MGA: variants seen among roughly 807,000 people sequenced by gnomAD.
MGA encodes MAX dimerization protein MGA.
In MGA, 40 loss-of-function variants were observed where a neutral mutation model predicts 261.1. The ratio of observed to expected loss-of-function variants is 0.15; its 90% CI spans 0.12 to 0.20. The LOEUF (loss-of-function observed/expected upper bound fraction) is 0.20. Among genes scored for constraint, MGA ranks in the 10% least tolerant of loss-of-function variants. The probability of loss-of-function intolerance (pLI) is 1.00; values close to 1 mark genes in which losing one functional copy is unlikely to be tolerated. For synonymous variants in MGA, 1,302 were observed against 1,290.6 expected (o/e 1.01, Z -0.19); for missense variants, 3,397 against 3,630.5 (o/e 0.94, Z 1.65).
Position 41,741,071 on chromosome 15 carries a change from G to A in MGA, c.4585+868G>A, listed in dbSNP as rs535693599. On this transcript the variant is annotated intron_variant, in intron 14 of 23. Transcript: ENST00000219905. ...GTTTGCCTTAAAACCTATTTTGGCC[G>A]GGCGCGGTGGCTCACTCCTGTAATT... is the stretch of plus-strand genomic sequence containing the variant. 3.8e-4 allele frequency among the ~76,000 whole-genome samples: 58 copies of A among 152,156 alleles called. 1 individual carries two copies. The South Asian group carries it at 0.011, about 29-fold the overall frequency.
chr15:41,675,059 A>G (rs2058303811), intron 2 of MGA, among the ~76,000 whole-genome samples: 2 of 152,092 alleles, frequency 1.3e-5, no homozygotes, highest in African/African-American at 4.8e-5. Context: ...GTATATTTGG[A>G]TTGTTTCTAG....
intron 9 of MGA, among the ~76,000 whole-genome samples, chr15:41,717,021 A>G (rs969920046): frequency 6.6e-6 from 1 of 152,168 alleles, no homozygotes; most frequent in African/African-American, 2.4e-5. Context: ...CTTCAACCTT[A>G]TATGATAAGG....
At chr15:41,660,915 A>G (rs28700954) in intron 1 of MGA, among the ~76,000 whole-genome samples, 80,575 of 151,980 alleles carry the variant, frequency 0.53, 23,946 homozygotes, top group Middle Eastern at 0.71. Flanking sequence ...GCCGGGCTCT[A>G]GGTCGAGAGC....
intron 11 of MGA, among the ~76,000 whole-genome samples, chr15:41,729,841 A>G (rs1379636290): frequency 6.6e-6 from 1 of 152,184 alleles, no homozygotes; most frequent in Middle Eastern, 3.4e-3. Flanking sequence ...TTTCAAAAAA[A>G]TATGTATATT....
rs934683140 is a variant in MGA, at chr15:41,707,916, T to C, written c.2320+57T>C. On this transcript the variant is annotated intron_variant, in intron 6 of 23. Transcript: ENST00000219905. ...TATTTTTCTTGAAGTTTACGTTATT[T>C]GTAACGTAAGTAAAAAGCTACCTTT... 1.2e-5 allele frequency: 18 copies of C among 1,563,568 alleles called. No homozygotes were observed. In the African/African-American group the frequency reaches 2.5e-4, roughly 21 times the overall value.
intron 1 of MGA, among the ~76,000 whole-genome samples, chr15:41,654,129 AAG>A: frequency 6.6e-6 from 1 of 152,304 alleles, no homozygotes; most frequent in East Asian, 1.9e-4. Flanking sequence ...CTTCTTGGCA[AAG>A]TGACTTATAC....
intron 1 of MGA, among the ~76,000 whole-genome samples, chr15:41,627,860 G>A (rs1261268654): frequency 2.0e-5 from 3 of 152,136 alleles, no homozygotes; most frequent in African/African-American, 7.2e-5. Flanking sequence ...ATCAAGAATT[G>A]GATCTAAATT....
At chr15:41,735,814 A>G (rs1441720838) in intron 12 of MGA, among the ~76,000 whole-genome samples, 1 of 152,186 alleles carries the variant, frequency 6.6e-6, no homozygotes. Context: ...CAAAGCATCT[A>G]GCAAGTAGTT....
chr15:41,658,537 T>A (rs1245263614), upstream of MGA, among the ~76,000 whole-genome samples: 1 of 152,116 alleles, frequency 6.6e-6, no homozygotes, highest in African/African-American at 2.4e-5. Flanking sequence ...TGTGGTGGTA[T>A]GATTATTTTT....
chr15:41,744,805 C>T (rs1290949795), intron 15 of MGA, among the ~76,000 whole-genome samples: 2 of 152,160 alleles, frequency 1.3e-5, no homozygotes, highest in Non-Finnish European at 2.9e-5. Flanking sequence ...TGCTGAGTCC[C>T]ATCTGTACTG....
chr15:41,628,700 AT>A (rs1484898067), intron 1 of MGA, among the ~76,000 whole-genome samples: 1 of 151,970 alleles, frequency 6.6e-6, no homozygotes, highest in Non-Finnish European at 1.5e-5. Context: ...GAGATTGAGA[AT>A]TGGCGGGGCT....
Position 41,745,281 on chromosome 15 carries a change from T to TTAAAAAAAAA in MGA, c.5212+2109_5212+2110insTAAAAAAAAA, listed in dbSNP as rs1555432883. 2.4e-4 allele frequency among the ~76,000 whole-genome samples: 8 copies of TTAAAAAAAAA among 33,222 alleles called. 2 individuals carry two copies. Among genetic ancestry groups the TTAAAAAAAAA allele is most frequent in the Non-Finnish European group, 4.7e-4 (7 of 14,962 alleles). The allele number at this position is 33,222 out of a possible 152,430, so 21.8% of individuals were successfully genotyped here. A position where few individuals can be genotyped will look rare whatever the true frequency, so the allele number is the denominator to read the frequency against. On this transcript the variant is annotated intron_variant, in intron 15 of 23. Coordinates refer to ENST00000219905, the MANE Select transcript of MGA (RefSeq NM_001164273.2). ...GCGAGAAACACCCAAGAATGATCAA[T>TTAAAAAAAAA]AAAAAAAAAAAAAAAAAAAAAAAAA...
chr15:41,651,956 C>A (rs141985337), intron 1 of MGA, among the ~76,000 whole-genome samples: 4 of 48,208 alleles, frequency 8.3e-5, no homozygotes, highest in African/African-American at 2.6e-4. Context: ...CTCTTCCCCC[C>A]ACCTTTTTTT....
chr15:41,665,544 C>T (rs1409183178), intron 1 of MGA, among the ~76,000 whole-genome samples: 1 of 152,044 alleles, frequency 6.6e-6, no homozygotes, highest in Non-Finnish European at 1.5e-5. Context: ...CAGCTACACA[C>T]CATTGTAGAG....
intron 1 of MGA, among the ~76,000 whole-genome samples, chr15:41,648,922 G>A (rs922058393): frequency 3.9e-5 from 6 of 152,004 alleles, no homozygotes; most frequent in South Asian, 2.1e-4. Context: ...TGGAGAGAGA[G>A]AAAAAAGAAA....
intron 5 of MGA, among the ~76,000 whole-genome samples, chr15:41,702,908 A>G (rs1351703013): frequency 6.7e-6 from 1 of 149,772 alleles, no homozygotes; most frequent in Non-Finnish European, 1.5e-5. Flanking sequence ...ATTTATAGAA[A>G]AATTAAGAAC....
chr15:41,674,553 T>C (rs1454085616), intron 2 of MGA, among the ~76,000 whole-genome samples: 3 of 152,206 alleles, frequency 2.0e-5, no homozygotes, highest in East Asian at 1.9e-4. Flanking sequence ...AGAGTCTTGC[T>C]GTGTCACCCA....
At position 41,750,635 on chromosome 15, in the gene MGA, T is replaced by C. The variant is rs1350059426; in HGVS notation, c.7008+20T>C. On this transcript the variant is annotated intron_variant, in intron 17 of 23. Transcript: ENST00000219905. Reference sequence around the variant, plus strand: ...GAAAAGGTGGTGAGCCCATTTTTGTTGTGACTGAAACCTAAAGGATTTAAA... The same window carrying C: ...GAAAAGGTGGTGAGCCCATTTTTGTCGTGACTGAAACCTAAAGGATTTAAA... The C allele has an allele frequency of 3.2e-6, 5 of 1,579,462 alleles. No individual in the cohort carries two copies. Among genetic ancestry groups the C allele is most frequent in the African/African-American group, 1.3e-5 (1 of 74,198 alleles).
At chr15:41,742,454 C>G in intron 14 of MGA, 92 bp from the exon 15 acceptor site, 1 of 1,431,670 alleles carries the variant, frequency 7.0e-7, no homozygotes, top group South Asian at 1.3e-5. Flanking sequence ...GAAATTGACC[C>G]AGTAGTGCAC....
Sources: allele counts gnomAD v4.1 joint callset (sites outside exome capture counted in the v4.1 genomes callset), GRCh38; gene constraint gnomAD v4.1.1; transcripts MANE v1.5; gene names NCBI Gene and HGNC (gene_info 2026-07-23, HGNC 2026-07-21).